Variants in SMCO4 observed in about 807,000 individuals in gnomAD.
SMCO4 encodes single-pass membrane protein with coiled-coil domains 4, also known as single-pass membrane and coiled-coil domain-containing protein 4.
A neutral mutation model predicts 3.6 loss-of-function variants in SMCO4; 4 were observed. The observed-to-expected ratio is 1.11, with a 90% CI of 0.54 to 2.53. The LOEUF (loss-of-function observed/expected upper bound fraction) is 2.53, where lower values mean the gene tolerates loss of function less well. Ranked by LOEUF, SMCO4 falls within the 30% of genes most tolerant of loss-of-function variation. SMCO4 has a pLI of 0.02. For missense variants in SMCO4, 70 were observed against 80.8 expected (o/e 0.87, Z 0.51); for synonymous variants, 36 against 35.3 (o/e 1.02, Z -0.07).
upstream of SMCO4, among the ~76,000 whole-genome samples, chr11:93,547,139 G>A (rs1411961026): frequency 6.6e-6 from 1 of 152,186 alleles, no homozygotes. Flanking sequence ...GGAATCTTAT[G>A]GAGATTTGAT....
intron 1 of SMCO4, among the ~76,000 whole-genome samples, chr11:93,508,880 A>T (rs1442804250): frequency 6.6e-6 from 1 of 152,252 alleles, no homozygotes; most frequent in Non-Finnish European, 1.5e-5. Context: ...AGAGCAAAGT[A>T]GACCTCTGCA....
At chr11:93,519,253 G>C (rs1037267889) in intron 1 of SMCO4, among the ~76,000 whole-genome samples, 1 of 152,188 alleles carries the variant, frequency 6.6e-6, no homozygotes, top group Admixed American at 6.5e-5. Flanking sequence ...TGTAACAAAG[G>C]AGGATGCACG....
chr11:93,492,081 T>C (rs1352281959), intron 2 of SMCO4, among the ~76,000 whole-genome samples: 2 of 152,264 alleles, frequency 1.3e-5, no homozygotes, highest in South Asian at 2.1e-4. Context: ...ACAGAAACAA[T>C]AGCACACATC....
At chr11:93,480,607 G>A (rs1565370860) in intron 2 of SMCO4, among the ~76,000 whole-genome samples, 1 of 152,202 alleles carries the variant, frequency 6.6e-6, no homozygotes, top group East Asian at 1.9e-4. Context: ...CATGGAGTGA[G>A]GGGTTCTTGG....
chr11:93,538,187 G>C (rs767842874), intron 1 of SMCO4, among the ~76,000 whole-genome samples: 1 of 152,174 alleles, frequency 6.6e-6, no homozygotes, highest in African/African-American at 2.4e-5. Context: ...CCGCTTCCCT[G>C]AGCATGGCTT....
chr11:93,496,545 G>C (rs776862736), intron 2 of SMCO4, among the ~76,000 whole-genome samples: 19 of 152,026 alleles, frequency 1.2e-4, no homozygotes, highest in Non-Finnish European at 2.5e-4. Flanking sequence ...GAATGCTATA[G>C]AACACAGAGG....
intron 2 of SMCO4, among the ~76,000 whole-genome samples, chr11:93,488,126 A>G (rs976282179): frequency 1.3e-5 from 2 of 152,318 alleles, no homozygotes; most frequent in Admixed American, 6.5e-5. Context: ...CTGATCAGGG[A>G]AGGCTTCATG....
At chr11:93,481,369 C>T (rs1168033601) in intron 2 of SMCO4, 5 of 937,176 alleles carry the variant, frequency 5.3e-6, no homozygotes, top group African/African-American at 3.5e-5. Context: ...TACCCGTGGG[C>T]GGCCCAGGGA....
Position 93,499,574 on chromosome 11 carries a change from C to G in SMCO4, c.-153-226G>C, listed in dbSNP as rs77868322. Among the ~76,000 whole-genome samples the G allele has an allele frequency of 3.3e-3, 496 of 152,280 alleles. 5 individuals are homozygous for G. Among genetic ancestry groups the G allele is most frequent in the African/African-American group, 0.011 (473 of 41,560 alleles). On this transcript the variant is annotated intron_variant, in intron 1 of 2. Coordinates refer to ENST00000298966, the MANE Select transcript of SMCO4 (RefSeq NM_020179.3). Reference sequence around the variant, plus strand: ...GCGTGATGGACAGGACCAAGCAGCCCCTGCATGGAGTTAGAGGGGCCTTCC... The same window carrying G: ...GCGTGATGGACAGGACCAAGCAGCCGCTGCATGGAGTTAGAGGGGCCTTCC...
At chr11:93,506,440 CTTT>C (rs35870051) in intron 1 of SMCO4, among the ~76,000 whole-genome samples, 2 of 139,758 alleles carry the variant, frequency 1.4e-5, no homozygotes, top group Non-Finnish European at 3.1e-5. Context: ...ACACACACAG[CTTT>C]TTTTTTTTTT....
chr11:93,482,863 A>T (rs1948608318), intron 2 of SMCO4, among the ~76,000 whole-genome samples: 1 of 152,010 alleles, frequency 6.6e-6, no homozygotes, highest in Admixed American at 6.6e-5. Context: ...ACTGCTTTGA[A>T]GTTTTGTGGG....
intron 1 of SMCO4, among the ~76,000 whole-genome samples, chr11:93,531,447 ACACC>A (rs1348134888): frequency 6.6e-6 from 1 of 152,144 alleles, no homozygotes; most frequent in Non-Finnish European, 1.5e-5. Context: ...ATTGGAACTT[ACACC>A]ATTGGCTCTC....
chr11:93,528,276 A>G (rs1382622813), intron 1 of SMCO4, among the ~76,000 whole-genome samples: 2 of 152,246 alleles, frequency 1.3e-5, no homozygotes, highest in Non-Finnish European at 2.9e-5. Flanking sequence ...TTACTTATAA[A>G]TACAAAAACT....
chr11:93,531,424 C>CCTCA (rs1949161305), intron 1 of SMCO4, among the ~76,000 whole-genome samples: 1 of 151,930 alleles, frequency 6.6e-6, no homozygotes, highest in African/African-American at 2.4e-5. Flanking sequence ...GGTCTCAAGG[C>CCTCA]CTCAGTACTT....
At chr11:93,488,796 T>C (rs967398708) in intron 2 of SMCO4, among the ~76,000 whole-genome samples, 4 of 150,534 alleles carry the variant, frequency 2.7e-5, no homozygotes, top group African/African-American at 9.8e-5. Flanking sequence ...GGAAGTGGAG[T>C]GTGTGCAGAG....
intron 1 of SMCO4, among the ~76,000 whole-genome samples, chr11:93,501,204 A>G (rs1246551291): frequency 2.6e-5 from 4 of 152,200 alleles, no homozygotes; most frequent in Admixed American, 6.5e-5. Flanking sequence ...TCATGACCAG[A>G]TAAGTACAGA....
At chr11:93,497,902 A>G (rs1486467258) in intron 2 of SMCO4, among the ~76,000 whole-genome samples, 1 of 152,224 alleles carries the variant, frequency 6.6e-6, no homozygotes, top group Admixed American at 6.5e-5. Flanking sequence ...GTCTTCCAAG[A>G]TGATGGTGAC....
intron 1 of SMCO4, among the ~76,000 whole-genome samples, chr11:93,527,078 G>A (rs1438685138): frequency 6.6e-6 from 1 of 152,210 alleles, no homozygotes; most frequent in Non-Finnish European, 1.5e-5. Context: ...ACCGCTGACA[G>A]GCAGCACCTG....
intron 1 of SMCO4, among the ~76,000 whole-genome samples, chr11:93,505,031 T>C (rs980618590): frequency 2.0e-5 from 3 of 152,234 alleles, no homozygotes; most frequent in Non-Finnish European, 4.4e-5. Context: ...CAAGTACTTA[T>C]TAAACATGAG....
Sources: gnomAD v4.1 joint callset for allele counts (sites outside exome capture counted in the v4.1 genomes callset) on GRCh38, gnomAD v4.1.1 for gene constraint, MANE v1.5 for transcripts, NCBI Gene and HGNC (gene_info 2026-07-23, HGNC 2026-07-21) for gene names.